NTRK2: variants seen among roughly 807,000 people sequenced by gnomAD.
NTRK2 encodes neurotrophic receptor tyrosine kinase 2.
In NTRK2, 13 loss-of-function variants were observed where a neutral mutation model predicts 94.5. The ratio of observed to expected loss-of-function variants is 0.14; its 90% confidence interval spans 0.09 to 0.22. The LOEUF is 0.22. NTRK2 is among the 10% of genes least tolerant of loss of function. The pLI, the probability that NTRK2 is intolerant of heterozygous loss-of-function variation, is 1.00. For missense variants in NTRK2, 639 were observed against 1,071.2 expected, an observed-to-expected ratio of 0.60 and a Z score of 5.63; for synonymous variants, 372 against 407.4, an observed-to-expected ratio of 0.91 and a Z score of 1.05.
intron 14 of NTRK2, among the ~76,000 whole-genome samples, chr9:84,884,668 C>T (rs983370867): frequency 2.4e-4 from 37 of 152,134 alleles, no homozygotes; most frequent in Admixed American, 1.6e-3. Context: ...TCTCTGCCGC[C>T]GCTTGTAGAG....
At chr9:84,863,129 G>C (rs1323745289) in intron 13 of NTRK2, among the ~76,000 whole-genome samples, 1 of 152,124 alleles carries the variant, frequency 6.6e-6, no homozygotes, top group Non-Finnish European at 1.5e-5. Context: ...ATATAAAAAG[G>C]CTTGCTTAGT....
At chr9:84,937,420 G>T (rs2078248428) in intron 15 of NTRK2, among the ~76,000 whole-genome samples, 1 of 152,216 alleles carries the variant, frequency 6.6e-6, no homozygotes, top group Admixed American at 6.5e-5. Flanking sequence ...CAGATTGACA[G>T]ATGTCAGATT....
chr9:84,931,558 T>C (rs1265479092), intron 14 of NTRK2, among the ~76,000 whole-genome samples: 1 of 152,152 alleles, frequency 6.6e-6, no homozygotes, highest in African/African-American at 2.4e-5. Flanking sequence ...AAAGAAAAGA[T>C]GCAGCTCTCC....
At chr9:84,759,299 G>A (rs575939270) in intron 12 of NTRK2, among the ~76,000 whole-genome samples, 1 of 152,330 alleles carries the variant, frequency 6.6e-6, no homozygotes, top group South Asian at 2.1e-4. Context: ...CTATCTGAGA[G>A]CAGAAGATGC....
intron 6 of NTRK2, among the ~76,000 whole-genome samples, chr9:84,712,827 C>T (rs941001170): frequency 1.3e-5 from 2 of 152,158 alleles, no homozygotes; most frequent in Non-Finnish European, 2.9e-5. Context: ...TTAACCATTA[C>T]GTGAAATTCA....
At chr9:84,813,861 G>A (rs200353934) in intron 12 of NTRK2, 87 of 1,065,502 alleles carry the variant, frequency 8.2e-5, no homozygotes, top group Middle Eastern at 4.2e-4. Flanking sequence ...TGTGGTCCAC[G>A]TCCTATATCT....
At chr9:84,758,051 T>C (rs978542040) in intron 12 of NTRK2, among the ~76,000 whole-genome samples, 2 of 152,098 alleles carry the variant, frequency 1.3e-5, no homozygotes, top group African/African-American at 4.8e-5. Context: ...TAATAATGAA[T>C]GTAAATATCT....
At chr9:84,934,877 G>A (rs2078163433) in intron 15 of NTRK2, among the ~76,000 whole-genome samples, 1 of 152,136 alleles carries the variant, frequency 6.6e-6, no homozygotes, top group Admixed American at 6.5e-5. Context: ...TTACTAAAAT[G>A]AAGACTGAAA....
chr9:84,744,900 C>A, intron 10 of NTRK2, 73 bp from the exon 11 acceptor site: 1 of 1,002,346 alleles, frequency 1.0e-6, no homozygotes, highest in Non-Finnish European at 1.6e-6. Flanking sequence ...CTGGCTCTTA[C>A]TGTGGCCCTG....
At position 84,670,716 on chromosome 9, in the gene NTRK2, G is replaced by A. The variant is rs764136946; in HGVS notation, c.-33G>A. 2 of 1,605,458 alleles carry A rather than the reference G, an allele frequency of 1.2e-6. No homozygotes were observed. The highest frequency in any genetic ancestry group is 2.2e-5 in the South Asian group (2 of 90,850). ...GGGAAAGCGGCCGGTGCAGCGCGGG[G>A]ACAGGCACTCGGGCTGGCACTGGCT... On this transcript the variant is annotated 5_prime_UTR_variant, in exon 2 of 19. Coordinates refer to ENST00000277120, the MANE Select transcript of NTRK2 (RefSeq NM_006180.6).
At chr9:84,870,685 AG>A (rs2075830851) in intron 14 of NTRK2, among the ~76,000 whole-genome samples, 1 of 151,968 alleles carries the variant, frequency 6.6e-6, no homozygotes, top group African/African-American at 2.4e-5. Context: ...CCTCCAAAGA[AG>A]GGCTCTTTCA....
intron 12 of NTRK2, among the ~76,000 whole-genome samples, chr9:84,784,352 C>T (rs889545407): frequency 2.0e-5 from 3 of 152,196 alleles, no homozygotes; most frequent in Non-Finnish European, 2.9e-5. Context: ...TCAATATCTT[C>T]CTCCCAGCTA....
intron 14 of NTRK2, among the ~76,000 whole-genome samples, chr9:84,898,237 A>G (rs1351882332): frequency 6.6e-6 from 1 of 152,162 alleles, no homozygotes; most frequent in African/African-American, 2.4e-5. Flanking sequence ...CTCTGTCAGG[A>G]CAGTCCTTCC....
chr9:85,018,036 G>A (rs1008430964), intron 17 of NTRK2, among the ~76,000 whole-genome samples: 1 of 151,952 alleles, frequency 6.6e-6, no homozygotes, highest in Non-Finnish European at 1.5e-5. Flanking sequence ...TGCATGTTAG[G>A]TAAGCAAAAC....
At chr9:84,944,809 C>T (rs1158705734) in intron 15 of NTRK2, among the ~76,000 whole-genome samples, 11 of 152,214 alleles carry the variant, frequency 7.2e-5, no homozygotes, top group African/African-American at 2.7e-4. Context: ...AAACTGAATA[C>T]AAGACTGGTT....
At chr9:84,721,753 A>G (rs1008253085) in intron 6 of NTRK2, among the ~76,000 whole-genome samples, 1 of 152,222 alleles carries the variant, frequency 6.6e-6, no homozygotes, top group African/African-American at 2.4e-5. Flanking sequence ...GGAACAGGAA[A>G]TAGTGCCACA....
intron 17 of NTRK2, among the ~76,000 whole-genome samples, chr9:85,004,707 A>G (rs1320382344): frequency 6.6e-6 from 1 of 152,198 alleles, no homozygotes; most frequent in Non-Finnish European, 1.5e-5. Context: ...CTTCAGGGCT[A>G]TGAGATCTTC....
chr9:84,942,309 A>G (rs1037414407), intron 15 of NTRK2, among the ~76,000 whole-genome samples: 28 of 152,260 alleles, frequency 1.8e-4, no homozygotes, highest in African/African-American at 6.8e-4. Flanking sequence ...AGAATTTGAT[A>G]GACACTTCCT....
At chr9:85,007,060 G>A (rs1831054532) in intron 17 of NTRK2, among the ~76,000 whole-genome samples, 1 of 152,194 alleles carries the variant, frequency 6.6e-6, no homozygotes, top group Non-Finnish European at 1.5e-5. Flanking sequence ...TCCCAGCACT[G>A]GACTGTGCTG....
Sources: gnomAD v4.1 joint callset for allele counts (sites outside exome capture counted in the v4.1 genomes callset) on GRCh38, gnomAD v4.1.1 for gene constraint, MANE v1.5 for transcripts, NCBI Gene and HGNC (gene_info 2026-07-23, HGNC 2026-07-21) for gene names.